CNTN6: variants seen among roughly 807,000 people sequenced by gnomAD.
The protein encoded by CNTN6 is contactin-6.
Under a neutral mutation model 122.8 loss-of-function variants are expected in CNTN6, and 137 were observed. That is an observed-to-expected ratio of 1.12 (90% CI 0.97 to 1.29). CNTN6 has a LOEUF of 1.29. Ranked by LOEUF, CNTN6 falls within the 50% of genes most tolerant of loss-of-function variation. The pLI, the probability that CNTN6 is intolerant of heterozygous loss-of-function variation, is 0.00. For missense variants in CNTN6, 1,634 were observed against 1,223.4 expected, an observed-to-expected ratio of 1.34 and a Z score of -5.01; for synonymous variants, 570 against 426.0, an observed-to-expected ratio of 1.34 and a Z score of -4.16.
In CNTN6 at chr3:1,118,857, T is replaced by TA. The variant is rs750524781; in HGVS notation, c.-83+25751dup. Among the ~76,000 whole-genome samples the TA allele has an allele frequency of 2.8e-4, 42 of 149,968 alleles. 1 individual carries two copies. Among genetic ancestry groups the TA allele is most frequent in the Middle Eastern group, 3.4e-3 (1 of 290 alleles). On this transcript the variant is annotated intron_variant, in intron 1 of 22. Transcript: ENST00000446702. ...AAGATGGCTGCTTTCCAATACCTCT[T>TA]AAAAAAAAAAAAAACAAACAAAACA... is the stretch of plus-strand genomic sequence containing the variant.
chr3:1,304,698 T>A (rs1165381013), intron 7 of CNTN6, among the ~76,000 whole-genome samples: 1 of 151,986 alleles, frequency 6.6e-6, no homozygotes, highest in Non-Finnish European at 1.5e-5. Context: ...TTTTATATAT[T>A]AAAAATAACC....
At chr3:1,173,290 C>G (rs2125305207) in intron 2 of CNTN6, 1 of 456,600 alleles carries the variant, frequency 2.2e-6, no homozygotes, top group Non-Finnish European at 4.4e-6. Flanking sequence ...TGCTAAGTGC[C>G]CTTATATCAC....
chr3:1,348,414 G>T (rs1016858184), intron 11 of CNTN6, among the ~76,000 whole-genome samples: 19 of 151,938 alleles, frequency 1.3e-4, no homozygotes, highest in African/African-American at 4.1e-4. Flanking sequence ...CAGAGCAGGG[G>T]AACGGATATT....
At chr3:1,391,858 G>A (rs1211437224) in intron 20 of CNTN6, among the ~76,000 whole-genome samples, 1 of 151,962 alleles carries the variant, frequency 6.6e-6, no homozygotes, top group Non-Finnish European at 1.5e-5. Context: ...GGGATGTGAA[G>A]GACCTCTTCA....
At chr3:1,365,165 G>A (rs1708032421) in intron 12 of CNTN6, among the ~76,000 whole-genome samples, 1 of 151,930 alleles carries the variant, frequency 6.6e-6, no homozygotes, top group Admixed American at 6.6e-5. Context: ...ATCACTCAGA[G>A]TCAATAGAAG....
At chr3:1,169,319 G>A (rs1241602187) in intron 2 of CNTN6, among the ~76,000 whole-genome samples, 1 of 152,208 alleles carries the variant, frequency 6.6e-6, no homozygotes, top group African/African-American at 2.4e-5. Context: ...GCTGTGGTCA[G>A]GTGTGGGGAA....
At chr3:1,251,738 C>G (rs2094673650) in intron 4 of CNTN6, among the ~76,000 whole-genome samples, 1 of 152,016 alleles carries the variant, frequency 6.6e-6, no homozygotes, top group Non-Finnish European at 1.5e-5. Flanking sequence ...TCTAGAAAGG[C>G]CCTCTGTAGG....
intron 3 of CNTN6, among the ~76,000 whole-genome samples, chr3:1,222,058 T>G (rs1278159480): frequency 6.6e-6 from 1 of 152,188 alleles, no homozygotes; most frequent in Non-Finnish European, 1.5e-5. Context: ...CAATTCTACC[T>G]TATCTTGAAT....
intron 1 of CNTN6, among the ~76,000 whole-genome samples, chr3:1,104,799 A>G (rs1409539128): frequency 2.0e-5 from 3 of 152,092 alleles, no homozygotes; most frequent in Admixed American, 6.6e-5. Flanking sequence ...ATTAATGCAT[A>G]TGTTCTGCTT....
chr3:1,349,632 TGCC>T (rs1705316060), intron 11 of CNTN6, among the ~76,000 whole-genome samples: 3 of 152,036 alleles, frequency 2.0e-5, no homozygotes, highest in Admixed American at 2.0e-4. Context: ...AATTGCTCAG[TGCC>T]ATTTGATCTT....
chr3:1,314,199 A>G (rs1419787422), intron 7 of CNTN6, among the ~76,000 whole-genome samples: 4 of 152,224 alleles, frequency 2.6e-5, no homozygotes, highest in Non-Finnish European at 4.4e-5. Context: ...CCATAGGACA[A>G]TCTTACATTC....
At chr3:1,372,809 T>C in intron 13 of CNTN6, 29 bp from the exon 14 acceptor site, 1 of 1,382,384 alleles carries the variant, frequency 7.2e-7, no homozygotes. Context: ...GGCTTACGTT[T>C]TTATCCATTT....
chr3:1,367,849 G>A (rs1039122845), intron 12 of CNTN6, among the ~76,000 whole-genome samples: 9 of 152,146 alleles, frequency 5.9e-5, no homozygotes, highest in African/African-American at 1.4e-4. Context: ...AGCAAAGGCT[G>A]CAGGAAGCGA....
intron 3 of CNTN6, 28 bp from the exon 4 acceptor site, chr3:1,227,790 A>C (rs200180321): frequency 3.8e-5 from 61 of 1,607,700 alleles, no homozygotes; most frequent in Admixed American, 3.5e-4. Context: ...TGTATATTAT[A>C]AGCACTTTAT....
At chr3:1,109,867 C>T (rs2091399769) in intron 1 of CNTN6, among the ~76,000 whole-genome samples, 1 of 151,944 alleles carries the variant, frequency 6.6e-6, no homozygotes, top group South Asian at 2.1e-4. Context: ...TGCTTCTTCC[C>T]ATACTCTATC....
chr3:1,402,207 G>C, intron 21 of CNTN6, 111 bp from the exon 22 acceptor site: 1 of 702,810 alleles, frequency 1.4e-6, no homozygotes, highest in Non-Finnish European at 2.2e-6. Context: ...TCCATCTGAG[G>C]AGTACAACAT....
At chr3:1,222,359 TTA>T (rs1450206955) in intron 3 of CNTN6, among the ~76,000 whole-genome samples, 4 of 152,170 alleles carry the variant, frequency 2.6e-5, no homozygotes, top group Admixed American at 2.6e-4. Flanking sequence ...AGTAGTAATT[TTA>T]TGTTTGAGAG....
At chr3:1,249,602 G>C (rs1292969739) in intron 4 of CNTN6, among the ~76,000 whole-genome samples, 1 of 152,220 alleles carries the variant, frequency 6.6e-6, no homozygotes, top group African/African-American at 2.4e-5. Flanking sequence ...GATTTAACAA[G>C]TCAATTGCAG....
At chr3:1,281,414 T>C (rs1693405292) in intron 5 of CNTN6, among the ~76,000 whole-genome samples, 1 of 150,880 alleles carries the variant, frequency 6.6e-6, no homozygotes, top group South Asian at 2.1e-4. Context: ...AAGCTTCTCA[T>C]AAAGAAAAGT....
Sources: gnomAD v4.1 joint callset for allele counts (sites outside exome capture counted in the v4.1 genomes callset) on GRCh38, gnomAD v4.1.1 for gene constraint, MANE v1.5 for transcripts, NCBI Gene and HGNC (gene_info 2026-07-23, HGNC 2026-07-21) for gene names.